DAB1: variants seen among roughly 807,000 people sequenced by gnomAD.
DAB1 encodes disabled homolog 1.
In DAB1, 15 loss-of-function variants were observed where a neutral mutation model predicts 64.6. The ratio of observed to expected loss-of-function variants is 0.23; its 90% CI spans 0.16 to 0.36. DAB1 has a LOEUF of 0.36. Among genes scored for constraint, DAB1 ranks in the 10% least tolerant of loss-of-function variants. The pLI is 1.00. For missense variants in DAB1, 596 were observed against 706.7 expected, an observed-to-expected ratio of 0.84 and a Z score of 1.78; for synonymous variants, 235 against 251.9, an observed-to-expected ratio of 0.93 and a Z score of 0.64.
At chr1:57,291,430 T>C (rs982364323) in intron 1 of DAB1, among the ~76,000 whole-genome samples, 5 of 152,062 alleles carry the variant, frequency 3.3e-5, no homozygotes, top group African/African-American at 9.7e-5. Context: ...CCCAACTCTG[T>C]TTTCTATGTT....
intron 5 of DAB1, among the ~76,000 whole-genome samples, chr1:57,917,790 G>A (rs1014616350): frequency 2.6e-5 from 4 of 152,004 alleles, no homozygotes; most frequent in African/African-American, 4.8e-5. Flanking sequence ...TAACTCCTTC[G>A]CCCCCTCTTC....
rs188806873 is a variant in DAB1 at position 57,216,824 on chromosome 1, A to T, written c.68-71395T>A. On this transcript the variant is annotated intron_variant, in intron 2 of 14. Coordinates refer to ENST00000371236, the MANE Select transcript of DAB1 (RefSeq NM_001365792.1). ...ACTTGGAAGCAGCAAGATTCTAGAA[A>T]CTGCCCATAGACCTACACTACTTGA... Among the ~76,000 whole-genome samples the T allele has an allele frequency of 2.6e-5, 4 of 152,050 alleles. No individual in the cohort carries two copies. In the East Asian group the frequency reaches 7.8e-4, roughly 30 times the overall value.
chr1:57,542,871 T>C (rs527639766), intron 7 of DAB1, among the ~76,000 whole-genome samples: 2 of 152,254 alleles, frequency 1.3e-5, no homozygotes, highest in South Asian at 4.2e-4. Context: ...GATTAGGTTA[T>C]AAAAAGCCCT....
intron 5 of DAB1, among the ~76,000 whole-genome samples, chr1:57,933,416 A>G (rs1644980819): frequency 6.8e-6 from 1 of 146,180 alleles, no homozygotes; most frequent in African/African-American, 2.7e-5. Flanking sequence ...GTAGAAAACC[A>G]GAAGTCTCCT....
At chr1:57,704,345 C>T (rs1463504418) in intron 6 of DAB1, among the ~76,000 whole-genome samples, 1 of 152,146 alleles carries the variant, frequency 6.6e-6, no homozygotes, top group Non-Finnish European at 1.5e-5. Context: ...ACCAATGCCT[C>T]TCATATTACT....
intron 14 of DAB1, among the ~76,000 whole-genome samples, chr1:57,010,209 T>C (rs959490486): frequency 6.6e-6 from 1 of 152,160 alleles, no homozygotes; most frequent in African/African-American, 2.4e-5. Flanking sequence ...ATCTGGACCA[T>C]GGCTCACTGA....
At chr1:58,006,184 A>C (rs1646580222) in intron 5 of DAB1, among the ~76,000 whole-genome samples, 1 of 152,188 alleles carries the variant, frequency 6.6e-6, no homozygotes, top group East Asian at 1.9e-4. Flanking sequence ...GTAGTCAATG[A>C]ATATTTATCA....
At chr1:57,983,314 T>G (rs1279118911) in intron 5 of DAB1, among the ~76,000 whole-genome samples, 1 of 152,158 alleles carries the variant, frequency 6.6e-6, no homozygotes, top group Non-Finnish European at 1.5e-5. Context: ...TGTGGTAGAA[T>G]AAGAACCAGA....
intron 3 of DAB1, among the ~76,000 whole-genome samples, chr1:58,417,172 T>A (rs1644729112): frequency 6.6e-6 from 1 of 152,178 alleles, no homozygotes; most frequent in African/African-American, 2.4e-5. Context: ...TTCTCACAGA[T>A]ACTGGTTGGG....
intron 5 of DAB1, among the ~76,000 whole-genome samples, chr1:58,126,987 C>T (rs1355448746): frequency 1.3e-5 from 2 of 149,608 alleles, no homozygotes; most frequent in Non-Finnish European, 3.0e-5. Flanking sequence ...AATGGGATGG[C>T]TGGGTCAAAT....
chr1:57,886,163 CTT>C (rs36101963), upstream of DAB1, among the ~76,000 whole-genome samples: 56 of 129,456 alleles, frequency 4.3e-4, no homozygotes, highest in African/African-American at 8.2e-4. Flanking sequence ...GCCTACTATT[CTT>C]TTTTTTTTTT....
chr1:58,464,312 C>A (rs1645273619), intron 3 of DAB1, among the ~76,000 whole-genome samples: 1 of 152,150 alleles, frequency 6.6e-6, no homozygotes, highest in Non-Finnish European at 1.5e-5. Context: ...GACATATGCC[C>A]AGGGCATGTC....
At chr1:58,150,020 A>G (rs1654831602) in intron 5 of DAB1, among the ~76,000 whole-genome samples, 1 of 152,260 alleles carries the variant, frequency 6.6e-6, no homozygotes, top group Non-Finnish European at 1.5e-5. Context: ...CAATGATTAC[A>G]TTAGCTTCCA....
chr1:57,907,430 C>T (rs1220115766), intron 5 of DAB1, among the ~76,000 whole-genome samples: 2 of 152,224 alleles, frequency 1.3e-5, no homozygotes, highest in African/African-American at 4.8e-5. Context: ...TATGAAATTA[C>T]ACTGAAATTT....
At chr1:57,625,380 T>C (rs964130999) in intron 7 of DAB1, among the ~76,000 whole-genome samples, 2 of 152,026 alleles carry the variant, frequency 1.3e-5, no homozygotes, top group Non-Finnish European at 2.9e-5. Context: ...ACCGCGTCTA[T>C]AGGGACAGGC....
rs555999004 is a variant in DAB1 at position 57,614,052 on chromosome 1, G to A, written n.625+35540C>T. Among the ~76,000 whole-genome samples the A allele has an allele frequency of 9.9e-5, 15 of 152,270 alleles. No individual in the cohort carries two copies. The South Asian group carries it at 2.9e-3, about 29-fold the overall frequency. ...GACCTGGCATGTTGCATAAAGGAGAGGCTGTCCAGGTGGACCCGTAATGAA... is the reference window on the plus strand; with the variant it reads ...GACCTGGCATGTTGCATAAAGGAGAAGCTGTCCAGGTGGACCCGTAATGAA... On this transcript the variant is annotated intron_variant and non_coding_transcript_variant, in intron 7 of 20. Transcript: ENST00000485760.
At chr1:58,545,224 A>G (rs558508443) in intron 1 of DAB1, among the ~76,000 whole-genome samples, 102 of 152,354 alleles carry the variant, frequency 6.7e-4, no homozygotes, top group African/African-American at 2.4e-3. Flanking sequence ...CACACTGCTT[A>G]GCTCTGCACA....
intron 3 of DAB1, among the ~76,000 whole-genome samples, chr1:58,462,039 T>C (rs1645247383): frequency 1.3e-5 from 2 of 151,176 alleles, no homozygotes; most frequent in Admixed American, 1.3e-4. Context: ...ACAGGGGTGA[T>C]GTTACTTACC....
At chr1:58,546,482 C>A (rs1646708063) in intron 1 of DAB1, among the ~76,000 whole-genome samples, 1 of 151,194 alleles carries the variant, frequency 6.6e-6, no homozygotes, top group Admixed American at 6.6e-5. Context: ...AGATCCCCTC[C>A]GTCTCCCGCC....
Sources: gnomAD v4.1 joint callset for allele counts (sites outside exome capture counted in the v4.1 genomes callset) on GRCh38, gnomAD v4.1.1 for gene constraint, MANE v1.5 for transcripts, NCBI Gene and HGNC (gene_info 2026-07-23, HGNC 2026-07-21) for gene names.